SYN1: variants seen among roughly 807,000 people sequenced by gnomAD.
The protein encoded by SYN1 is synapsin I.
SYN1 carries 8 observed loss-of-function variants against 44.6 expected under a neutral mutation model. The observed-to-expected ratio is 0.18, with a 90% CI of 0.11 to 0.32. The LOEUF (loss-of-function observed/expected upper bound fraction) is 0.32. Ranked by LOEUF, SYN1 falls within the 10% of genes least tolerant of loss-of-function variation. The pLI is 1.00. For missense variants in SYN1, 451 were observed against 639.4 expected, an observed-to-expected ratio of 0.71 and a Z score of 3.18; for synonymous variants, 275 against 280.1, an observed-to-expected ratio of 0.98 and a Z score of 0.18.
intron 1 of SYN1, among the ~76,000 whole-genome samples, chrX:47,612,701 G>A (rs1237217100): frequency 8.9e-6 from 1 of 111,926 alleles, no homozygotes; most frequent in African/African-American, 3.3e-5. Flanking sequence ...CTCAAGATTA[G>A]AATACATATA....
chrX:47,609,005 G>GACACACACACACACACAC (rs757667668), intron 1 of SYN1, among the ~76,000 whole-genome samples: 27 of 87,410 alleles, frequency 3.1e-4, no homozygotes, highest in Non-Finnish European at 2.5e-4. Context: ...CTCTCTCTCT[G>GACACACACACACACACAC]ACACACACAC....
intron 5 of SYN1, among the ~76,000 whole-genome samples, chrX:47,590,398 C>T (rs1359204876): frequency 9.0e-6 from 1 of 111,640 alleles, no homozygotes; most frequent in Non-Finnish European, 1.9e-5. Flanking sequence ...GTCCCCATCC[C>T]TGGAGCATTC....
chrX:47,587,657 C>T (rs890118381), intron 5 of SYN1, among the ~76,000 whole-genome samples: 8 of 110,970 alleles, frequency 7.2e-5, no homozygotes, highest in Admixed American at 1.9e-4. Flanking sequence ...TCTCTAGACT[C>T]GACCCTCACC....
chrX:47,611,186 G>A (rs978129499), intron 1 of SYN1, among the ~76,000 whole-genome samples: 6 of 112,006 alleles, frequency 5.4e-5, no homozygotes, highest in East Asian at 2.8e-4. Context: ...CTAAAATGGC[G>A]CACACCCCCA....
chrX:47,617,508 TG>T (rs1314366851), intron 1 of SYN1, among the ~76,000 whole-genome samples: 1 of 110,903 alleles, frequency 9.0e-6, no homozygotes, highest in Non-Finnish European at 1.9e-5. Context: ...AAAAGCCCTT[TG>T]GGGGTATGAA....
At chrX:47,605,098 G>T in intron 4 of SYN1, 31 bp from the exon 5 acceptor site, 1 of 1,201,636 alleles carries the variant, frequency 8.3e-7, no homozygotes, top group Non-Finnish European at 1.1e-6. Flanking sequence ...GGGTCAGTGA[G>T]TCCTTCACCA....
At chrX:47,614,766 AC>A (rs2057926478) in intron 1 of SYN1, among the ~76,000 whole-genome samples, 1 of 111,709 alleles carries the variant, frequency 9.0e-6, no homozygotes, top group Non-Finnish European at 1.9e-5. Context: ...GATTTGCCTC[AC>A]CCAAGATTAC....
intron 5 of SYN1, among the ~76,000 whole-genome samples, chrX:47,581,811 T>C (rs2057799355): frequency 8.9e-6 from 1 of 111,777 alleles, no homozygotes; most frequent in African/African-American, 3.3e-5. Context: ...ACCCTGGCTT[T>C]GGCTCCTGGC....
At chrX:47,577,026 A>T (rs1002208537) in intron 6 of SYN1, among the ~76,000 whole-genome samples, 2 of 111,586 alleles carry the variant, frequency 1.8e-5, no homozygotes, top group African/African-American at 6.5e-5. Flanking sequence ...TCGGACACAA[A>T]TTACAAGTCT....
At chrX:47,608,281 AGGAAGGAAGG>A (rs1569331341) in intron 1 of SYN1, among the ~76,000 whole-genome samples, 354 of 8,984 alleles carry the variant, frequency 0.039, 6 homozygotes, top group African/African-American at 0.1. Flanking sequence ...GAAGGAAGGA[AGGAAGGAAGG>A]GGAAGGAAGG....
rs1283292604 is a variant in SYN1, at chrX:47,607,007, G to A, written c.465C>T (p.Ala155=). 9 of 1,210,930 alleles carry A rather than the reference G, an allele frequency of 7.4e-6. No homozygotes were observed. The highest frequency in any genetic ancestry group is 8.9e-6 in the Non-Finnish European group (8 of 895,275). ...CCACAGAGAATCCACCATTGGCATG[G>A]GCCACAAGGTTGAGATCAGAGAATT... ...QAEFSDLNLV[A]HANGGFSVDM... is the part of the protein sequence containing the mutation. Residue 155 remains alanine, a synonymous_variant, in exon 3 of 13, where the codon GCC becomes GCT. Transcript: ENST00000295987.
At chrX:47,619,280 G>A in intron 1 of SYN1, 72 bp downstream of exon 1, 1 of 1,184,360 alleles carries the variant, frequency 8.4e-7, no homozygotes, top group Non-Finnish European at 1.1e-6. Context: ...AGCGGCGCTC[G>A]ATAATTGCTC....
rs4066713 is a variant in SYN1 at position 47,606,751 on chromosome X, A to ATTTTTT, written c.527+188_527+193dup. ...CTGAAATATATATATATATATATAT[A>ATTTTTT]TTTTTTTTTAAAGTCTGACTTGTGG... On this transcript the variant is annotated intron_variant, in intron 3 of 12. Transcript: ENST00000295987. 2.2e-3 allele frequency among the ~76,000 whole-genome samples: 201 copies of ATTTTTT among 93,242 alleles called. 1 individual carries two copies. Among genetic ancestry groups the ATTTTTT allele is most frequent in the African/African-American group, 7.5e-3 (187 of 24,859 alleles). 81.0% of individuals were successfully genotyped at this position (93,242 alleles called of 115,157 possible).
chrX:47,586,533 T>G (rs767313689), intron 5 of SYN1: 1 of 1,211,584 alleles, frequency 8.3e-7, no homozygotes, highest in African/African-American at 1.7e-5. Context: ...GTTTCCCTGT[T>G]TATCCATCCC....
intron 5 of SYN1, chrX:47,584,949 G>C: frequency 8.3e-7 from 1 of 1,211,326 alleles, no homozygotes; most frequent in Non-Finnish European, 1.1e-6. Flanking sequence ...TCAGGGCCAA[G>C]TTCGTGGGGA....
At chrX:47,591,729 A>AG (rs1295880307) in intron 5 of SYN1, among the ~76,000 whole-genome samples, 1 of 109,674 alleles carries the variant, frequency 9.1e-6, no homozygotes, top group African/African-American at 3.3e-5. Flanking sequence ...TCAAAAAAAA[A>AG]AAAAAGTTAG....
At chrX:47,613,869 T>C (rs951127357) in intron 1 of SYN1, among the ~76,000 whole-genome samples, 14 of 111,630 alleles carry the variant, frequency 1.3e-4, no homozygotes, top group African/African-American at 4.6e-4. Context: ...CAACCCTAAA[T>C]CAATGGCCAT....
At chrX:47,618,020 C>G (rs1173296914) in intron 1 of SYN1, among the ~76,000 whole-genome samples, 3 of 111,736 alleles carry the variant, frequency 2.7e-5, no homozygotes, top group Non-Finnish European at 5.6e-5. Flanking sequence ...ATTCTTCATC[C>G]ATAGGAGAAA....
intron 5 of SYN1, chrX:47,586,471 C>G (rs770242868): frequency 5.9e-6 from 7 of 1,189,165 alleles, no homozygotes; most frequent in Non-Finnish European, 7.9e-6. Flanking sequence ...TTCTGCTCCA[C>G]GGGGGAGGCA....
Sources: allele counts gnomAD v4.1 joint callset (sites outside exome capture counted in the v4.1 genomes callset), GRCh38; gene constraint gnomAD v4.1.1; transcripts MANE v1.5; gene names NCBI Gene and HGNC (gene_info 2026-07-23, HGNC 2026-07-21).